Variants in ABL1 observed in about 807,000 individuals in gnomAD.
The protein encoded by ABL1 is tyrosine-protein kinase ABL1.
In ABL1, 11 loss-of-function variants were observed where a neutral mutation model predicts 94.7. The ratio of observed to expected loss-of-function variants is 0.12; its 90% CI spans 0.07 to 0.19. ABL1 has a LOEUF of 0.19. Among genes scored for constraint, ABL1 ranks in the 10% least tolerant of loss-of-function variants. The pLI, the probability that ABL1 is intolerant of heterozygous loss-of-function variation, is 1.00. For synonymous variants in ABL1, 656 were observed against 622.4 expected (o/e 1.05, Z -0.80); for missense variants, 1,082 against 1,489.4 (o/e 0.73, Z 4.50).
chr9:130,732,050 C>T (rs1423436844), intron 1 of ABL1, among the ~76,000 whole-genome samples: 3 of 151,548 alleles, frequency 2.0e-5, no homozygotes, highest in Non-Finnish European at 2.9e-5. Flanking sequence ...TTTTCTTTGA[C>T]ACTCAGTACT....
At chr9:130,798,210 G>C (rs1830005648) in intron 1 of ABL1, among the ~76,000 whole-genome samples, 1 of 152,046 alleles carries the variant, frequency 6.6e-6, no homozygotes, top group South Asian at 2.1e-4. Flanking sequence ...CTGGCTTTTT[G>C]AGTATTTGAG....
chr9:130,749,955 C>G (rs981687094), intron 1 of ABL1, among the ~76,000 whole-genome samples: 2 of 151,816 alleles, frequency 1.3e-5, no homozygotes, highest in Non-Finnish European at 2.9e-5. Flanking sequence ...GGGAGGATCA[C>G]TTGAGCCCAG....
rs772988252 is a variant in ABL1, at chr9:130,885,344, T to G, written c.3054T>G (p.Pro1018=). The G allele has an allele frequency of 1.2e-6, 2 of 1,613,568 alleles. No homozygotes were observed. Among genetic ancestry groups the G allele is most frequent in the South Asian group, 2.2e-5 (2 of 91,060 alleles). The change falls in exon 11 of 11, where the codon CCT becomes CCG. Residue 1018 remains proline (P), a synonymous_variant. Coordinates refer to ENST00000318560, the MANE Select transcript of ABL1 (RefSeq NM_005157.6). ...TRVSLRKTRQ[P]PERIASGAIT... is the part of the protein sequence containing the mutation. ...TGTCTCTTCGGAAAACCCGCCAGCCTCCAGAGCGGATCGCCAGCGGCGCCA... is the reference window on the plus strand; with the variant it reads ...TGTCTCTTCGGAAAACCCGCCAGCCGCCAGAGCGGATCGCCAGCGGCGCCA...
At position 130,789,882 on chromosome 9, in the gene ABL1, G is replaced by GA. The variant is rs1301977123; in HGVS notation, c.137-64179dup. Among the ~76,000 whole-genome samples the GA allele has an allele frequency of 1.2e-4, 19 of 152,320 alleles. 1 individual carries two copies. Among genetic ancestry groups the GA allele is most frequent in the Admixed American group, 1.2e-3 (18 of 15,298 alleles). On this transcript the variant is annotated intron_variant, in intron 1 of 10. Transcript: ENST00000372348. ...GAAATAACACAGACTGAAGCTAATA[G>GA]AAACAAAGGGATGTAAACCACGAGA...
intron 1 of ABL1, among the ~76,000 whole-genome samples, chr9:130,777,388 G>T (rs1032847211): frequency 6.6e-6 from 1 of 150,466 alleles, no homozygotes; most frequent in African/African-American, 2.4e-5. Context: ...GTGTTGGGAC[G>T]CTGACACACT....
chr9:130,885,130 A>G lies in ABL1; in HGVS notation c.2840A>G (p.Lys947Arg). The change falls in exon 11 of 11, where the codon AAG becomes AGG. Residue 947 changes from lysine (K) to arginine (R), a missense_variant. Lys to Arg is a conservative substitution (Grantham distance 26). Transcript: ENST00000318560. ...GATGCTGTGAACAGTGACGCTGCCA[A>G]GCCCAGCCAGCCGGGAGAGGGCCTC... Reference protein sequence around the residue: ...LVDAVNSDAAKPSQPGEGLKK... With the variant: ...LVDAVNSDAARPSQPGEGLKK... The G allele has an allele frequency of 6.2e-7, 1 of 1,612,744 alleles. No individual in the cohort carries two copies. The highest frequency in any genetic ancestry group is 8.5e-7 in the Non-Finnish European group (1 of 1,179,788).
chr9:130,722,464 G>A (rs1037273020), intron 1 of ABL1, among the ~76,000 whole-genome samples: 16 of 152,178 alleles, frequency 1.1e-4, no homozygotes, highest in African/African-American at 2.9e-4. Flanking sequence ...ATTGTGGCAC[G>A]TGGACTGTGA....
intron 1 of ABL1, among the ~76,000 whole-genome samples, chr9:130,743,159 A>G (rs1279009708): frequency 7.2e-5 from 11 of 152,268 alleles, no homozygotes; most frequent in Middle Eastern, 6.8e-3. Flanking sequence ...TGCAACTTCC[A>G]TCTCCTGGGT....
Position 130,872,290 on chromosome 9 carries a change from C to A in ABL1, c.907+77C>A. ...TGACACAGGCGCTGGGGAAGACGCA[C>A]GGGCGGCTCACTGCACAAAACCTCG... On this transcript the variant is annotated intron_variant, in intron 5 of 10. Coordinates refer to ENST00000318560, the MANE Select transcript of ABL1 (RefSeq NM_005157.6). This position sits in a 1 kb window ranked among gnomAD's most constrained non-coding sequence, Gnocchi z 5.0. 1 of 1,369,670 alleles carries A rather than the reference C, an allele frequency of 7.3e-7. No homozygotes were observed. Among genetic ancestry groups the A allele is most frequent in the Non-Finnish European group, 1.0e-6 (1 of 982,520 alleles). 84.8% of individuals were successfully genotyped at this position (1,369,670 alleles called of 1,614,324 possible).
intron 1 of ABL1, among the ~76,000 whole-genome samples, chr9:130,742,771 G>A (rs977923348): frequency 5.9e-5 from 9 of 151,952 alleles, no homozygotes; most frequent in East Asian, 1.9e-4. Context: ...TGTGTGTATC[G>A]TATGTATGTT....
upstream of ABL1, chr9:130,834,846 A>C (rs1252188291): frequency 5.7e-5 from 26 of 453,568 alleles, no homozygotes; most frequent in Admixed American, 5.9e-4. Flanking sequence ...AGTATTGGTA[A>C]CTGCAGAGGA....
At chr9:130,878,359 A>C in intron 7 of ABL1, 56 bp from the exon 8 acceptor site, 1 of 1,588,284 alleles carries the variant, frequency 6.3e-7, no homozygotes, top group Non-Finnish European at 8.6e-7. Flanking sequence ...TTTTAAATGT[A>C]GTGTAGTGAA....
chr9:130,819,919 G>C (rs1158622335), intron 1 of ABL1, among the ~76,000 whole-genome samples: 1 of 151,416 alleles, frequency 6.6e-6, no homozygotes, highest in Non-Finnish European at 1.5e-5. Context: ...TGTTTCTCCA[G>C]GCATTCCTGG....
At chr9:130,735,919 G>GCA (rs148664697) in intron 1 of ABL1, among the ~76,000 whole-genome samples, 2 of 134,206 alleles carry the variant, frequency 1.5e-5, no homozygotes, top group African/African-American at 5.9e-5. Context: ...ATATGTGTGT[G>GCA]TATGCATGTG....
intron 1 of ABL1, among the ~76,000 whole-genome samples, chr9:130,716,220 A>C (rs1831438501): frequency 6.6e-6 from 1 of 151,270 alleles, no homozygotes; most frequent in Non-Finnish European, 1.5e-5. Context: ...TCAGCCTCCC[A>C]AGTAGGTGGG....
In ABL1 at chr9:130,862,793, A is replaced by G. The variant is rs1588272569; in HGVS notation, c.580A>G (p.Thr194Ala). The G allele has an allele frequency of 1.2e-6, 2 of 1,613,556 alleles. No individual in the cohort carries two copies. The highest frequency in any genetic ancestry group is 1.7e-6 in the Non-Finnish European group (2 of 1,179,908). The change falls in exon 4 of 11, where the codon ACC becomes GCC. Residue 194 changes from threonine (T) to alanine (A), a missense_variant. Thr to Ala is a moderately conservative substitution (Grantham distance 58). This residue lies in a region of ABL1 where 22 missense variants were observed against 23.0 expected (regional missense o/e 0.96). Transcript: ENST00000318560. The surrounding 1 kb of genome is among the most constrained non-coding windows in gnomAD (Gnocchi z 5.5). ...LYVSSESRFN[T>A]LAELVHHHST... ...CGTCTCCTCCGAGAGCCGCTTCAACACCCTGGCCGAGTTGGTTCATCATCA... is the reference window on the plus strand; with the variant it reads ...CGTCTCCTCCGAGAGCCGCTTCAACGCCCTGGCCGAGTTGGTTCATCATCA...
intron 1 of ABL1, among the ~76,000 whole-genome samples, chr9:130,726,214 G>A (rs1231705623): frequency 1.3e-5 from 2 of 148,888 alleles, no homozygotes. Flanking sequence ...CAAATTGAAT[G>A]TACAGCTTGA....
intron 1 of ABL1, 111 bp from the exon 2 acceptor site, chr9:130,853,953 G>T: frequency 9.1e-7 from 1 of 1,095,650 alleles, no homozygotes; most frequent in Non-Finnish European, 1.3e-6. Flanking sequence ...AATGAAATAG[G>T]AATGTGTAAT....
At chr9:130,866,570 A>G (rs1216223377) in intron 4 of ABL1, among the ~76,000 whole-genome samples, 1 of 152,094 alleles carries the variant, frequency 6.6e-6, no homozygotes, top group Admixed American at 6.6e-5. Flanking sequence ...AGGGGGAGCA[A>G]GGGCCTACTT....
Sources: allele counts gnomAD v4.1 joint callset (sites outside exome capture counted in the v4.1 genomes callset), GRCh38; gene constraint gnomAD v4.1.1; regional missense constraint gnomAD v4.1.1; non-coding constraint Gnocchi (gnomAD v3.1); transcripts MANE v1.5; gene names NCBI Gene and HGNC (gene_info 2026-07-23, HGNC 2026-07-21).